Variants in OR4N2 observed in about 807,000 individuals in gnomAD.
OR4N2 encodes olfactory receptor family 4 subfamily N member 2, also known as olfactory receptor 4N2.
For missense variants in OR4N2, 307 were observed against 377.6 expected, an observed-to-expected ratio of 0.81 and a Z score of 1.55; for synonymous variants, 141 against 140.4, an observed-to-expected ratio of 1.00 and a Z score of -0.03.
intron 1 of OR4N2, among the ~76,000 whole-genome samples, chr14:19,807,483 GA>G (rs1418458864): frequency 7.2e-5 from 11 of 152,210 alleles, no homozygotes; most frequent in African/African-American, 2.4e-4. Flanking sequence ...AAATCTAGAA[GA>G]AATGGATAAA....
intron 1 of OR4N2, among the ~76,000 whole-genome samples, chr14:19,804,868 G>C (rs1469500371): frequency 6.6e-6 from 1 of 152,210 alleles, no homozygotes; most frequent in South Asian, 2.1e-4. Flanking sequence ...TTATAAGTCT[G>C]GGTACTTCTG....
intron 1 of OR4N2, among the ~76,000 whole-genome samples, chr14:19,805,643 A>G (rs1175162064): frequency 3.9e-5 from 6 of 152,190 alleles, no homozygotes. Flanking sequence ...AGGACAGAGA[A>G]TAAACAACTC....
chr14:19,824,081 G>A (rs1177277539), intron 1 of OR4N2, among the ~76,000 whole-genome samples: 1 of 152,198 alleles, frequency 6.6e-6, no homozygotes, highest in Admixed American at 6.6e-5. Flanking sequence ...GAAATGGCAA[G>A]AAGGATTAGA....
chr14:19,826,754 T>G (rs1879709519), intron 1 of OR4N2, among the ~76,000 whole-genome samples: 1 of 152,218 alleles, frequency 6.6e-6, no homozygotes. Context: ...CATGCAGGTG[T>G]GGAGTGGCCA....
At chr14:19,826,035 A>G (rs1385533189) in intron 1 of OR4N2, among the ~76,000 whole-genome samples, 1 of 152,260 alleles carries the variant, frequency 6.6e-6, no homozygotes, top group Admixed American at 6.5e-5. Context: ...TTTATAAAGT[A>G]TATATAAACC....
intron 1 of OR4N2, among the ~76,000 whole-genome samples, chr14:19,820,558 C>T (rs1480781681): frequency 1.3e-5 from 2 of 152,220 alleles, no homozygotes; most frequent in East Asian, 3.9e-4. Flanking sequence ...TGCTCTGTCC[C>T]AGGGAGATGG....
At chr14:19,815,758 C>A (rs1879412264) in intron 1 of OR4N2, among the ~76,000 whole-genome samples, 1 of 149,812 alleles carries the variant, frequency 6.7e-6, no homozygotes, top group Admixed American at 6.7e-5. Flanking sequence ...GTGTTTTAGT[C>A]ATGAAGTCTT....
rs149732016 is a variant in OR4N2 at position 19,828,225 on chromosome 14, G to A, written c.777G>A (p.Thr259=). The A allele has an allele frequency of 1.5e-3, 2,392 of 1,613,778 alleles. 2 individuals carry two copies. Among genetic ancestry groups the A allele is most frequent in the Non-Finnish European group, 1.8e-3 (2,175 of 1,179,640 alleles). Residue 259 remains threonine (T), a synonymous_variant, in exon 2 of 2, where the codon ACG becomes ACA. Coordinates refer to ENST00000557677, the MANE Select transcript of OR4N2 (RefSeq NM_001004723.3). ...TTGGACCTGGCATCTTCATCTACAC[G>A]CGCCCCTTCAGGGCTTTCCCAGCTG... ...FMFGPGIFIY[T]RPFRAFPADK... is the part of the protein sequence containing the mutation.
chr14:19,807,722 C>T (rs1376980673), intron 1 of OR4N2, among the ~76,000 whole-genome samples: 1 of 152,150 alleles, frequency 6.6e-6, no homozygotes, highest in South Asian at 2.1e-4. Flanking sequence ...GAGCTCCTCC[C>T]TAACTCATTC....
chr14:19,820,872 G>A (rs1207930005), intron 1 of OR4N2, among the ~76,000 whole-genome samples: 1 of 152,254 alleles, frequency 6.6e-6, no homozygotes, highest in African/African-American at 2.4e-5. Flanking sequence ...GGGCTCCATG[G>A]GGGTGGGATC....
Position 19,811,776 on chromosome 14 carries a change from T to C in OR4N2, c.-10+7932T>C, listed in dbSNP as rs1260333162. Among the ~76,000 whole-genome samples, 6 of 152,250 alleles carry C rather than the reference T, an allele frequency of 3.9e-5. No individual in the cohort carries two copies. The East Asian group carries it at 5.8e-4, about 15-fold the overall frequency. Reference sequence around the variant, plus strand: ...ATGTCTGTAAAAAATTCTAAGTAGATTGGAAATGAAAGGGAGCCTCTCCAG... The same window carrying C: ...ATGTCTGTAAAAAATTCTAAGTAGACTGGAAATGAAAGGGAGCCTCTCCAG... On this transcript the variant is annotated intron_variant, in intron 1 of 1. Coordinates refer to ENST00000557677, the MANE Select transcript of OR4N2 (RefSeq NM_001004723.3).
chr14:19,806,182 TC>T (rs1189127449), intron 1 of OR4N2, among the ~76,000 whole-genome samples: 42 of 151,970 alleles, frequency 2.8e-4, no homozygotes, highest in Middle Eastern at 3.4e-3. Context: ...CTATAAAATA[TC>T]CAGCTAACAG....
chr14:19,826,262 T>G (rs1319604418), intron 1 of OR4N2, among the ~76,000 whole-genome samples: 3 of 152,262 alleles, frequency 2.0e-5, no homozygotes, highest in Non-Finnish European at 2.9e-5. Context: ...ATGCACATTG[T>G]TTTTCTTTTT....
At chr14:19,813,150 C>A (rs150126114) in intron 1 of OR4N2, among the ~76,000 whole-genome samples, 1,873 of 151,668 alleles carry the variant, frequency 0.012, 3 homozygotes, top group Middle Eastern at 0.049. Flanking sequence ...TGAAAAAAAT[C>A]ATATTTTTAA....
intron 1 of OR4N2, among the ~76,000 whole-genome samples, chr14:19,819,110 C>A (rs1182483168): frequency 3.9e-5 from 6 of 152,282 alleles, no homozygotes; most frequent in Non-Finnish European, 8.8e-5. Flanking sequence ...TTCTGGCTGA[C>A]CTTAACATTT....
rs549398212 is a variant in OR4N2 at position 19,808,660 on chromosome 14, A to G, written c.-10+4816A>G. ...ATGGCCACACTGCCCAAAGCAGTCT[A>G]CAGTTTAATGGTATTTCTATCTCAC... On this transcript the variant is annotated intron_variant, in intron 1 of 1. Transcript: ENST00000557677. Among the ~76,000 whole-genome samples, 21 of 152,334 alleles carry G rather than the reference A, an allele frequency of 1.4e-4. No individual in the cohort carries two copies. In the South Asian group the frequency reaches 2.5e-3, roughly 18 times the overall value.
chr14:19,809,265 C>T (rs1879239097), intron 1 of OR4N2, among the ~76,000 whole-genome samples: 1 of 152,152 alleles, frequency 6.6e-6, no homozygotes, highest in Admixed American at 6.5e-5. Context: ...TAGAAGAAAA[C>T]CTAGGAAATA....
At chr14:19,815,660 T>TTG (rs1879407673) in intron 1 of OR4N2, among the ~76,000 whole-genome samples, 1 of 151,742 alleles carries the variant, frequency 6.6e-6, no homozygotes, top group African/African-American at 2.4e-5. Flanking sequence ...TTTTTGTTTT[T>TTG]TTTTTTTTTG....
At chr14:19,825,780 G>T (rs1237093806) in intron 1 of OR4N2, among the ~76,000 whole-genome samples, 2 of 152,016 alleles carry the variant, frequency 1.3e-5, no homozygotes, top group Non-Finnish European at 2.9e-5. Context: ...AGATGTTCTC[G>T]ATCTCCTGAG....
Sources: allele counts gnomAD v4.1 joint callset (sites outside exome capture counted in the v4.1 genomes callset), GRCh38; gene constraint gnomAD v4.1.1; transcripts MANE v1.5; gene names NCBI Gene and HGNC (gene_info 2026-07-23, HGNC 2026-07-21).